Variants in NAA25 observed in about 807,000 individuals in gnomAD.
NAA25 encodes N-terminal acetyltransferase B complex subunit NAA25.
Under a neutral mutation model 132.5 loss-of-function variants are expected in NAA25, and 30 were observed. The ratio of observed to expected loss-of-function variants is 0.23; its 90% CI spans 0.17 to 0.31. The LOEUF is 0.31. Among genes scored for constraint, NAA25 ranks in the 10% least tolerant of loss-of-function variants. The pLI, the probability that NAA25 is intolerant of heterozygous loss-of-function variation, is 1.00. For missense variants in NAA25, 771 were observed against 1,150.4 expected (o/e 0.67, Z 4.77); for synonymous variants, 359 against 401.9 (o/e 0.89, Z 1.28).
chr12:112,064,512 G>GCCA (rs1485191182), intron 11 of NAA25, among the ~76,000 whole-genome samples: 2 of 152,084 alleles, frequency 1.3e-5, no homozygotes, highest in African/African-American at 4.8e-5. Context: ...GCAGACATAA[G>GCCA]CCACCATGCC....
chr12:112,043,357 A>G, intron 18 of NAA25, 146 bp from the exon 19 acceptor site: 1 of 911,662 alleles, frequency 1.1e-6, no homozygotes, highest in Non-Finnish European at 1.6e-6. Context: ...GAATCATTAC[A>G]GTAAAAACAG....
At chr12:112,101,089 A>G (rs983995206) in intron 1 of NAA25, among the ~76,000 whole-genome samples, 56 of 151,982 alleles carry the variant, frequency 3.7e-4, no homozygotes, top group African/African-American at 1.3e-3. Context: ...GGTCTTCACC[A>G]CCCTCTCCCC....
chr12:112,108,021 G>A (rs2079389483), intron 1 of NAA25, among the ~76,000 whole-genome samples: 1 of 152,122 alleles, frequency 6.6e-6, no homozygotes, highest in Admixed American at 6.6e-5. Flanking sequence ...GCTGCAGAAA[G>A]GAGAAGCCCT....
chr12:112,073,919 G>GA (rs555544128), intron 9 of NAA25, among the ~76,000 whole-genome samples: 1 of 148,712 alleles, frequency 6.7e-6, no homozygotes, highest in Non-Finnish European at 1.5e-5. Context: ...CCACTGGGGG[G>GA]AAAAAAAATG....
At chr12:112,086,058 A>ATC in intron 4 of NAA25, among the ~76,000 whole-genome samples, 1 of 82,942 alleles carries the variant, frequency 1.2e-5, no homozygotes, top group Non-Finnish European at 2.0e-5. Context: ...AAAAATATAT[A>ATC]TATATATATA....
chr12:112,097,835 C>T (rs984230711), intron 1 of NAA25, among the ~76,000 whole-genome samples: 1 of 151,546 alleles, frequency 6.6e-6, no homozygotes, highest in Admixed American at 6.6e-5. Flanking sequence ...TATGAAGAAC[C>T]GAGCAGACCC....
intron 8 of NAA25, among the ~76,000 whole-genome samples, 156 bp from the exon 9 acceptor site, chr12:112,074,920 A>G (rs531930516): frequency 6.6e-6 from 1 of 152,312 alleles, no homozygotes; most frequent in Non-Finnish European, 1.5e-5. Context: ...GCAAATCTAA[A>G]AGGGCATTTT....
chr12:112,047,556 T>G (rs968371494), intron 17 of NAA25, 109 bp downstream of exon 17: 10 of 1,318,598 alleles, frequency 7.6e-6, no homozygotes, highest in Non-Finnish European at 5.2e-6. Flanking sequence ...AAAAATAAAC[T>G]GCTTCACCCA....
Position 112,040,512 on chromosome 12 carries a change from G to C in NAA25, c.2507C>G (p.Thr836Ser). The change falls in exon 21 of 24, where the codon ACT (threonine) becomes AGT (serine). Residue 836 changes from threonine (T) to serine (S), a missense_variant. Thr to Ser is a moderately conservative substitution (Grantham distance 58, BLOSUM62 1). Transcript: ENST00000261745. ...VKDGNLKTHP[T>S]LLENLVFFVE... ...AAAGAAAACTAGATTTTCTAAAAGA[G>C]TAGGATGTGTTTTCAAGTTACCATC... is the stretch of plus-strand genomic sequence containing the variant. 6.2e-7 allele frequency: 1 copy of C among 1,603,000 alleles called. No individual in the cohort carries two copies. The highest frequency in any genetic ancestry group is 8.5e-7 in the Non-Finnish European group (1 of 1,172,168).
At position 112,039,272 on chromosome 12, in the gene NAA25, A is replaced by G; in HGVS notation, c.2606T>C (p.Leu869Ser). 2 of 1,607,346 alleles carry G rather than the reference A, an allele frequency of 1.2e-6. No individual in the cohort carries two copies. Among genetic ancestry groups the G allele is most frequent in the Admixed American group, 3.4e-5 (2 of 58,884 alleles). ...ESVLRPYKLN[L>S]QKKKKKKKET... is the part of the protein sequence containing the mutation. ...TTTTTTCTTCTTTTTCTTTTTCTGT[A>G]AATTTAGTTTGTATGGTCGTAGGAC... The change falls in exon 22 of 24, where the codon TTA becomes TCA. Residue 869 changes from leucine (L) to serine (S), a missense_variant. Physicochemically the swap from Leu to Ser is moderately radical, Grantham distance 145. Coordinates refer to ENST00000261745, the MANE Select transcript of NAA25 (RefSeq NM_024953.4).
At chr12:112,097,814 G>C (rs917206323) in intron 1 of NAA25, among the ~76,000 whole-genome samples, 2 of 151,954 alleles carry the variant, frequency 1.3e-5, no homozygotes, top group Admixed American at 1.3e-4. Flanking sequence ...TGAGTAAGCA[G>C]GAAAAAACAT....
intron 13 of NAA25, among the ~76,000 whole-genome samples, chr12:112,056,849 C>T (rs1163181858): frequency 3.9e-5 from 6 of 152,166 alleles, no homozygotes; most frequent in Admixed American, 2.6e-4. Flanking sequence ...TCTCTCTGCC[C>T]TCCATTTCTC....
chr12:112,029,404 A>C lies in NAA25; in HGVS notation c.*127T>G, dbSNP rs987894530. On this transcript the variant is annotated 3_prime_UTR_variant, in exon 24 of 24. Coordinates refer to ENST00000261745, the MANE Select transcript of NAA25 (RefSeq NM_024953.4). ...TTAACACCTAAAAAAATTCACGATC[A>C]AAGTCCTTCATGCATTTTATGAGGA... 7.6e-6 allele frequency: 11 copies of C among 1,452,916 alleles called. No homozygotes were observed. The Admixed American group carries it at 8.4e-5, about 11-fold the overall frequency. 90.0% of individuals were successfully genotyped at this position (1,452,916 alleles called of 1,614,324 possible). A position where few individuals can be genotyped will look rare whatever the true frequency, so the allele number is the denominator to read the frequency against.
intron 15 of NAA25, among the ~76,000 whole-genome samples, chr12:112,050,047 T>TAAAAAA (rs75376629): frequency 2.3e-5 from 3 of 128,870 alleles, no homozygotes; most frequent in Non-Finnish European, 5.1e-5. Flanking sequence ...CCACTTTATT[T>TAAAAAA]AAAAAAAAAA....
intron 11 of NAA25, among the ~76,000 whole-genome samples, chr12:112,068,033 C>T (rs1362065557): frequency 2.6e-5 from 4 of 152,096 alleles, no homozygotes; most frequent in South Asian, 4.1e-4. Context: ...CCACCACACC[C>T]AGCCTCTTTT....
intron 1 of NAA25, among the ~76,000 whole-genome samples, chr12:112,103,571 C>T (rs1303565900): frequency 6.6e-6 from 1 of 152,160 alleles, no homozygotes; most frequent in Non-Finnish European, 1.5e-5. Context: ...GCAAGATAGT[C>T]TTCACTCACC....
intron 17 of NAA25, among the ~76,000 whole-genome samples, chr12:112,046,124 G>C (rs2078377689): frequency 6.6e-6 from 1 of 152,212 alleles, no homozygotes; most frequent in Admixed American, 6.5e-5. Flanking sequence ...GCTGTGCCTA[G>C]ATTGTTTATA....
rs1032989469 is a variant in NAA25, at chr12:112,059,203, C to T, written c.1447+1067G>A. Among the ~76,000 whole-genome samples the T allele has an allele frequency of 7.5e-5, 11 of 146,442 alleles. No individual in the cohort carries two copies. The South Asian group carries it at 1.1e-3, about 15-fold the overall frequency. On this transcript the variant is annotated intron_variant, in intron 13 of 23. Coordinates refer to ENST00000261745, the MANE Select transcript of NAA25 (RefSeq NM_024953.4). ...ATGAGAATCGCTTGAACCCAGGAGG[C>T]GGAGGTTGCAGTGAGCTGAGATCAC... is the stretch of plus-strand genomic sequence containing the variant.
intron 23 of NAA25, among the ~76,000 whole-genome samples, chr12:112,032,095 C>G (rs953686182): frequency 3.3e-5 from 5 of 151,686 alleles, no homozygotes; most frequent in African/African-American, 1.2e-4. Flanking sequence ...TCCCGAGTAG[C>G]TGGGACTAGA....
Sources: gnomAD v4.1 joint callset for allele counts (sites outside exome capture counted in the v4.1 genomes callset) on GRCh38, gnomAD v4.1.1 for gene constraint, MANE v1.5 for transcripts, NCBI Gene and HGNC (gene_info 2026-07-23, HGNC 2026-07-21) for gene names.